The following KLHL12 variants were observed in gnomAD, a reference collection of about 807,000 sequenced individuals.
The protein encoded by KLHL12 is kelch like family member 12.
In KLHL12, 17 loss-of-function variants were observed where a neutral mutation model predicts 60.8. The observed-to-expected ratio is 0.28, with a 90% CI of 0.19 to 0.42. The LOEUF (loss-of-function observed/expected upper bound fraction) is 0.42. Among genes scored for constraint, KLHL12 ranks in the 10% least tolerant of loss-of-function variants. The pLI is 1.00. For synonymous variants in KLHL12, 220 were observed against 250.9 expected (o/e 0.88, Z 1.16); for missense variants, 468 against 722.3 (o/e 0.65, Z 4.04).
rs141274078 is a variant in KLHL12 at position 202,911,057 on chromosome 1, A to G, written c.714T>C (p.Ala238=). 12 of 1,613,896 alleles carry G rather than the reference A, an allele frequency of 7.4e-6. No individual in the cohort carries two copies. In the African/African-American group the frequency reaches 1.2e-4, roughly 16 times the overall value. The change falls in exon 5 of 12, where the codon GCT becomes GCC. Residue 238 remains alanine, a synonymous_variant. Coordinates refer to ENST00000367261, the MANE Select transcript of KLHL12 (RefSeq NM_021633.4). ...TPRYITDVID[A]EPFIRCSLQC... The stretch of plus-strand genomic sequence containing the variant: ...CTGAGAGTGTTGCACTACTTACCTC[A>G]GCATCTATTACATCTGTGATATACC...
At chr1:202,919,394 T>G (rs539458463) in intron 3 of KLHL12, among the ~76,000 whole-genome samples, 4 of 152,254 alleles carry the variant, frequency 2.6e-5, no homozygotes, top group African/African-American at 9.6e-5. Context: ...AATGGCCAGA[T>G]AGATAAAGAG....
In KLHL12 at chr1:202,927,175, G is replaced by T. The variant is rs1049743332; in HGVS notation, c.-132C>A. 14 of 985,206 alleles carry T rather than the reference G, an allele frequency of 1.4e-5. No homozygotes were observed. Among genetic ancestry groups the T allele is most frequent in the Non-Finnish European group, 1.7e-5 (14 of 829,924 alleles). The allele number at this position is 985,206 out of a possible 1,614,324, so 61.0% of individuals were successfully genotyped here. ...GGCGCGGGGCTAGCAGGCGGCTCGG[G>T]AGGAGCCGAAGCGCCGCCCAGACCC... On this transcript the variant is annotated 5_prime_UTR_variant, in exon 1 of 12. Transcript: ENST00000367261.
chr1:202,928,215 C>T (rs544426433), upstream of KLHL12, among the ~76,000 whole-genome samples: 5 of 139,606 alleles, frequency 3.6e-5, no homozygotes, highest in South Asian at 8.9e-4. Flanking sequence ...GCGGAGGTTG[C>T]AGTGAGCTGA....
At chr1:202,896,207 G>C (rs964672679) in intron 7 of KLHL12, among the ~76,000 whole-genome samples, 1 of 151,746 alleles carries the variant, frequency 6.6e-6, no homozygotes, top group East Asian at 1.9e-4. Flanking sequence ...TTTTTTTTCT[G>C]AGTTGGGATC....
chr1:202,922,690 G>A (rs1459881203), intron 2 of KLHL12, among the ~76,000 whole-genome samples: 2 of 151,772 alleles, frequency 1.3e-5, no homozygotes, highest in Non-Finnish European at 2.9e-5. Context: ...GTTTCACCGT[G>A]TTAGCCAGGA....
At chr1:202,901,565 G>A (rs1284218537) in intron 6 of KLHL12, among the ~76,000 whole-genome samples, 1 of 151,634 alleles carries the variant, frequency 6.6e-6, no homozygotes, top group Non-Finnish European at 1.5e-5. Flanking sequence ...GCCTCCCAAA[G>A]TGCTGGGATT....
intron 2 of KLHL12, 125 bp from the exon 3 acceptor site, chr1:202,920,033 G>A (rs1660638195): frequency 2.2e-6 from 2 of 901,284 alleles, no homozygotes; most frequent in Non-Finnish European, 3.3e-6. Context: ...AAAATTACAG[G>A]CCAGGCGTGG....
chr1:202,901,351 G>GACCTCCCAGGCTCAAGCAATCCTCCT (rs1200211824), intron 6 of KLHL12, among the ~76,000 whole-genome samples: 3 of 151,690 alleles, frequency 2.0e-5, no homozygotes, highest in Middle Eastern at 3.2e-3. Context: ...CCACAGCATC[G>GACCTCCCAGGCTCAAGCAATCCTCCT]ACCTCCCAGG....
At chr1:202,913,512 G>A (rs1161983242) in intron 4 of KLHL12, among the ~76,000 whole-genome samples, 1 of 152,146 alleles carries the variant, frequency 6.6e-6, no homozygotes, top group Non-Finnish European at 1.5e-5. Context: ...ACACAATGGT[G>A]AACAAATCAG....
intron 2 of KLHL12, 144 bp downstream of exon 2, chr1:202,924,824 A>G: frequency 1.2e-6 from 1 of 856,634 alleles, no homozygotes; most frequent in Non-Finnish European, 1.8e-6. Context: ...ATAGTCATCT[A>G]AGTGGTAGAT....
intron 6 of KLHL12, among the ~76,000 whole-genome samples, chr1:202,897,310 A>T (rs141690187): frequency 5.8e-5 from 8 of 137,196 alleles, no homozygotes; most frequent in African/African-American, 1.9e-4. Context: ...ATCTCGGCTC[A>T]CCACAACCTC....
At chr1:202,907,689 T>G (rs1242931146) in intron 6 of KLHL12, among the ~76,000 whole-genome samples, 1 of 151,124 alleles carries the variant, frequency 6.6e-6, no homozygotes, top group African/African-American at 2.4e-5. Flanking sequence ...GTGAACTGCT[T>G]GAGTCCAGGA....
At chr1:202,912,317 T>C in intron 4 of KLHL12, 1 of 806,116 alleles carries the variant, frequency 1.2e-6, no homozygotes, top group Non-Finnish European at 2.2e-6. Context: ...AGAAATACCA[T>C]CCTACGAATG....
upstream of KLHL12, among the ~76,000 whole-genome samples, chr1:202,928,005 C>T (rs1366323208): frequency 2.2e-5 from 3 of 134,360 alleles, no homozygotes; most frequent in African/African-American, 8.4e-5. Flanking sequence ...AAAGGCCAGG[C>T]GAGGTGGCTC....
At chr1:202,894,498 A>G in intron 9 of KLHL12, 93 bp downstream of exon 9, 1 of 1,273,690 alleles carries the variant, frequency 7.9e-7, no homozygotes, top group Non-Finnish European at 1.1e-6. Flanking sequence ...GTTGAAGGGA[A>G]GTCTATGAAC....
chr1:202,913,722 G>C (rs190158820), intron 4 of KLHL12, among the ~76,000 whole-genome samples: 11 of 152,334 alleles, frequency 7.2e-5, no homozygotes, highest in African/African-American at 2.6e-4. Flanking sequence ...ATTGAAATCT[G>C]ATGGATGAGT....
At chr1:202,912,548 A>G (rs1486326207) in intron 4 of KLHL12, 4 of 1,068,304 alleles carry the variant, frequency 3.7e-6, no homozygotes, top group Admixed American at 3.4e-5. Context: ...TGGAAGCTAC[A>G]GTGATTTTGG....
Position 202,893,662 on chromosome 1 carries a change from C to G in KLHL12, c.1394-237G>C, listed in dbSNP as rs1338148291. ...TAAAAATGGTTCTCTTCTTTACTTT[C>G]ATTAACTCAGAGCCCAACCCTTCTA... is the stretch of plus-strand genomic sequence containing the variant. On this transcript the variant is annotated intron_variant, in intron 10 of 11. Transcript: ENST00000367261. This position sits in a 1 kb window ranked among gnomAD's most constrained non-coding sequence, Gnocchi z 4.1. 1.3e-5 allele frequency among the ~76,000 whole-genome samples: 2 copies of G among 152,122 alleles called. No individual in the cohort carries two copies. Among genetic ancestry groups the G allele is most frequent in the African/African-American group, 2.4e-5 (1 of 41,412 alleles).
intron 6 of KLHL12, among the ~76,000 whole-genome samples, chr1:202,901,294 C>A (rs1226361402): frequency 2.0e-5 from 3 of 151,934 alleles, no homozygotes; most frequent in Admixed American, 1.3e-4. Context: ...AAGACAAGGC[C>A]TTCCTCTGTC....
Sources: allele counts gnomAD v4.1 joint callset (sites outside exome capture counted in the v4.1 genomes callset), GRCh38; gene constraint gnomAD v4.1.1; non-coding constraint Gnocchi (gnomAD v3.1); transcripts MANE v1.5; gene names NCBI Gene and HGNC (gene_info 2026-07-23, HGNC 2026-07-21).